The following AGBL4 variants were observed in gnomAD, a reference collection of about 807,000 sequenced individuals.
AGBL4 encodes AGBL carboxypeptidase 4.
Under a neutral mutation model 66.4 loss-of-function variants are expected in AGBL4, and 58 were observed. The observed-to-expected ratio is 0.87, with a 90% CI of 0.71 to 1.09. The LOEUF (loss-of-function observed/expected upper bound fraction) is 1.09. Among genes scored for constraint, AGBL4 ranks in the 50% least tolerant of loss-of-function variants. The probability of loss-of-function intolerance (pLI) is 0.00; values close to 1 mark genes in which losing one functional copy is unlikely to be tolerated. For synonymous variants in AGBL4, 234 were observed against 222.9 expected (o/e 1.05, Z -0.44); for missense variants, 579 against 631.0 (o/e 0.92, Z 0.88).
chr1:49,941,990 C>T (rs1003925335), intron 1 of AGBL4, among the ~76,000 whole-genome samples: 1 of 151,962 alleles, frequency 6.6e-6, no homozygotes, highest in African/African-American at 2.4e-5. Flanking sequence ...GAAGTTATAA[C>T]AACTAATAAA....
At chr1:49,680,985 G>T (rs1646682420) in intron 3 of AGBL4, among the ~76,000 whole-genome samples, 1 of 149,832 alleles carries the variant, frequency 6.7e-6, no homozygotes. Flanking sequence ...ACTTTCCTTT[G>T]TCCTCCCCAT....
intron 5 of AGBL4, among the ~76,000 whole-genome samples, chr1:49,015,526 C>T (rs1418557444): frequency 6.6e-6 from 1 of 151,324 alleles, no homozygotes. Context: ...GGGTTCACGC[C>T]ATTCTCCTGC....
intron 3 of AGBL4, among the ~76,000 whole-genome samples, chr1:49,514,810 G>C (rs954182966): frequency 6.6e-5 from 10 of 152,204 alleles, no homozygotes; most frequent in East Asian, 5.8e-4. Context: ...TTAATAAATG[G>C]TGCTGGGAAA....
chr1:49,417,796 G>A (rs1645459929), intron 3 of AGBL4, among the ~76,000 whole-genome samples: 1 of 152,084 alleles, frequency 6.6e-6, no homozygotes, highest in African/African-American at 2.4e-5. Context: ...ATCAACTACA[G>A]AAGCAATCTT....
intron 6 of AGBL4, among the ~76,000 whole-genome samples, chr1:48,764,876 G>A (rs148003301): frequency 0.012 from 1,773 of 152,276 alleles, 14 homozygotes; most frequent in Non-Finnish European, 0.016. Flanking sequence ...CTGCCTGCTG[G>A]CTTCTGCTGG....
chr1:49,915,629 G>A (rs946844346), intron 1 of AGBL4, among the ~76,000 whole-genome samples: 21 of 152,202 alleles, frequency 1.4e-4, no homozygotes, highest in Admixed American at 1.1e-3. Context: ...AAGGACCCCT[G>A]ACTGCCTTTG....
intron 6 of AGBL4, among the ~76,000 whole-genome samples, chr1:48,698,444 C>A (rs956592281): frequency 2.6e-5 from 4 of 152,208 alleles, no homozygotes; most frequent in Non-Finnish European, 5.9e-5. Flanking sequence ...AAGGAAACTG[C>A]CAAGGCCACC....
At chr1:49,735,867 AT>A (rs1314621406) in intron 2 of AGBL4, among the ~76,000 whole-genome samples, 1 of 152,164 alleles carries the variant, frequency 6.6e-6, no homozygotes, top group East Asian at 1.9e-4. Context: ...CCTAATAAAA[AT>A]AATGGAATTA....
intron 4 of AGBL4, among the ~76,000 whole-genome samples, chr1:49,191,791 G>T (rs1386826945): frequency 1.3e-5 from 2 of 152,148 alleles, no homozygotes; most frequent in Non-Finnish European, 2.9e-5. Flanking sequence ...AGGAGATGAT[G>T]TTGTTCTTTT....
intron 1 of AGBL4, among the ~76,000 whole-genome samples, chr1:49,888,312 G>C (rs1648276739): frequency 6.6e-6 from 1 of 152,104 alleles, no homozygotes. Context: ...TGAACATGTA[G>C]AATAAGTTTT....
Position 49,685,692 on chromosome 1 carries a change from G to A in AGBL4, c.282+11621C>T, listed in dbSNP as rs147710043. ...TTTTTCATAAGCTTGTTGGCCCTTT[G>A]TATGTCTTCTTTTGAGAAGTGTCCT... On this transcript the variant is annotated intron_variant, in intron 3 of 13. Coordinates refer to ENST00000371839, the MANE Select transcript of AGBL4 (RefSeq NM_032785.4). 2.0e-3 allele frequency among the ~76,000 whole-genome samples: 301 copies of A among 152,176 alleles called. 1 individual carries two copies. Among genetic ancestry groups the A allele is most frequent in the African/African-American group, 7.0e-3 (291 of 41,524 alleles).
chr1:49,938,761 T>C (rs1336117258), intron 1 of AGBL4, among the ~76,000 whole-genome samples: 2 of 152,102 alleles, frequency 1.3e-5, no homozygotes, highest in African/African-American at 2.4e-5. Context: ...ATTATCTCAA[T>C]AGATGCAGAA....
chr1:49,247,134 C>T (rs765582188), intron 3 of AGBL4, among the ~76,000 whole-genome samples: 4 of 152,032 alleles, frequency 2.6e-5, no homozygotes, highest in Non-Finnish European at 5.9e-5. Context: ...ATGATTTTTA[C>T]TCTTGAGTTA....
chr1:49,560,348 G>T (rs147797781), intron 3 of AGBL4, among the ~76,000 whole-genome samples: 1 of 152,216 alleles, frequency 6.6e-6, no homozygotes, highest in East Asian at 1.9e-4. Context: ...GAAGAATGCA[G>T]AAGTCTTTCA....
chr1:49,316,725 G>A (rs1645045406), intron 3 of AGBL4, among the ~76,000 whole-genome samples: 1 of 151,712 alleles, frequency 6.6e-6, no homozygotes, highest in Admixed American at 6.6e-5. Flanking sequence ...TTATTTACAT[G>A]TCTCAAAGGT....
chr1:49,431,613 G>A (rs762986004), intron 3 of AGBL4, among the ~76,000 whole-genome samples: 3 of 152,026 alleles, frequency 2.0e-5, no homozygotes, highest in African/African-American at 7.2e-5. Flanking sequence ...CCAGCATTTT[G>A]TACATCTCCA....
chr1:49,181,796 T>C (rs538680540), intron 4 of AGBL4, among the ~76,000 whole-genome samples: 5 of 152,290 alleles, frequency 3.3e-5, no homozygotes, highest in East Asian at 1.9e-4. Flanking sequence ...TCCAAACCAA[T>C]GAAGGCCCTG....
chr1:49,890,271 AATC>A (rs1648507780), intron 1 of AGBL4, among the ~76,000 whole-genome samples: 1 of 152,234 alleles, frequency 6.6e-6, no homozygotes, highest in Non-Finnish European at 1.5e-5. Context: ...CTGATTTCAA[AATC>A]ATGACTCATT....
intron 3 of AGBL4, among the ~76,000 whole-genome samples, chr1:49,499,951 C>T (rs948552059): frequency 1.3e-5 from 2 of 151,986 alleles, no homozygotes; most frequent in Non-Finnish European, 2.9e-5. Flanking sequence ...AATCCCCACA[C>T]TGTTTTCCAT....
Sources: allele counts gnomAD v4.1 joint callset (sites outside exome capture counted in the v4.1 genomes callset), GRCh38; gene constraint gnomAD v4.1.1; transcripts MANE v1.5; gene names NCBI Gene and HGNC (gene_info 2026-07-23, HGNC 2026-07-21).